Variants in KCND2 observed in about 807,000 individuals in gnomAD.
KCND2 encodes A-type voltage-gated potassium channel KCND2.
In KCND2, 16 loss-of-function variants were observed where a neutral mutation model predicts 54.4. The ratio of observed to expected loss-of-function variants is 0.29; its 90% CI spans 0.20 to 0.45. KCND2 has a LOEUF of 0.45. KCND2 is among the 20% of genes least tolerant of loss of function. The probability of loss-of-function intolerance (pLI) is 1.00; values close to 1 mark genes in which losing one functional copy is unlikely to be tolerated. For missense variants in KCND2, 486 were observed against 824.2 expected (o/e 0.59, Z 5.02); for synonymous variants, 317 against 310.7 (o/e 1.02, Z -0.21).
At chr7:120,571,703 A>G (rs1295898834) in intron 1 of KCND2, among the ~76,000 whole-genome samples, 1 of 152,196 alleles carries the variant, frequency 6.6e-6, no homozygotes, top group Non-Finnish European at 1.5e-5. Context: ...ATCTTCCACA[A>G]TATACATTAC....
chr7:120,563,233 A>C (rs1329124191), intron 1 of KCND2, among the ~76,000 whole-genome samples: 1 of 152,200 alleles, frequency 6.6e-6, no homozygotes, highest in East Asian at 1.9e-4. Context: ...GAATATGCAC[A>C]TTGTAAGTTC....
chr7:120,396,678 T>C (rs1484465499), intron 1 of KCND2, among the ~76,000 whole-genome samples: 1 of 151,576 alleles, frequency 6.6e-6, no homozygotes, highest in Non-Finnish European at 1.5e-5. Flanking sequence ...TGTGTGTGTG[T>C]GCACATGTGA....
intron 1 of KCND2, among the ~76,000 whole-genome samples, chr7:120,409,351 C>G (rs1409400154): frequency 6.6e-6 from 1 of 151,940 alleles, no homozygotes; most frequent in East Asian, 1.9e-4. Flanking sequence ...ATGTTATATA[C>G]TATGGCTCTA....
At chr7:120,745,199 A>G (rs1420727587) in intron 4 of KCND2, among the ~76,000 whole-genome samples, 1 of 152,178 alleles carries the variant, frequency 6.6e-6, no homozygotes, top group Non-Finnish European at 1.5e-5. Flanking sequence ...TATTTTACTT[A>G]TGTAACGAAT....
At chr7:120,335,465 TTAC>T (rs1463291415) in intron 1 of KCND2, among the ~76,000 whole-genome samples, 1,200 of 109,180 alleles carry the variant, frequency 0.011, 18 homozygotes, top group African/African-American at 0.047. Context: ...ATTTACTTAC[TTAC>T]TTATTTATTT....
intron 1 of KCND2, among the ~76,000 whole-genome samples, chr7:120,455,813 G>A (rs1005392083): frequency 3.9e-5 from 6 of 151,982 alleles, no homozygotes; most frequent in African/African-American, 9.7e-5. Flanking sequence ...TGTACTTCAG[G>A]GTTAAGGGTG....
chr7:120,395,268 C>T (rs1298050582), intron 1 of KCND2, among the ~76,000 whole-genome samples: 1 of 151,972 alleles, frequency 6.6e-6, no homozygotes, highest in Non-Finnish European at 1.5e-5. Context: ...GGGCAGCTTT[C>T]CATAGCTATT....
Position 120,274,881 on chromosome 7 carries a change from T to C in KCND2, c.249T>C (p.Tyr83=), listed in dbSNP as rs757892556. 1.5e-5 allele frequency: 24 copies of C among 1,614,018 alleles called. No homozygotes were observed. Among genetic ancestry groups the C allele is most frequent in the Non-Finnish European group, 2.0e-5 (24 of 1,180,038 alleles). The change falls in exon 1 of 6, where the codon TAT becomes TAC. Residue 83 remains tyrosine, a synonymous_variant. Coordinates refer to ENST00000331113, the MANE Select transcript of KCND2 (RefSeq NM_012281.3). The part of the protein sequence containing the change: ...DFFYHPETQQ[Y]FFDRDPDIFR... ...TCTACCACCCAGAAACTCAGCAGTA[T>C]TTCTTTGACCGTGACCCAGACATCT...
chr7:120,569,085 G>C (rs1191690155), intron 1 of KCND2, among the ~76,000 whole-genome samples: 1 of 152,020 alleles, frequency 6.6e-6, no homozygotes, highest in Non-Finnish European at 1.5e-5. Flanking sequence ...ATTTCAAACT[G>C]ATCTAGGAGG....
At chr7:120,454,490 A>G (rs1447682035) in intron 1 of KCND2, among the ~76,000 whole-genome samples, 2 of 152,190 alleles carry the variant, frequency 1.3e-5, no homozygotes, top group African/African-American at 2.4e-5. Context: ...GCAACCTCTC[A>G]AGATTCAACC....
intron 1 of KCND2, among the ~76,000 whole-genome samples, chr7:120,698,177 G>A (rs574500363): frequency 2.4e-4 from 36 of 152,086 alleles, no homozygotes; most frequent in Admixed American, 1.8e-3. Flanking sequence ...ACCATGCCCA[G>A]ATAACTGTTG....
At chr7:120,358,940 T>C (rs1800549495) in intron 1 of KCND2, among the ~76,000 whole-genome samples, 1 of 152,194 alleles carries the variant, frequency 6.6e-6, no homozygotes, top group Non-Finnish European at 1.5e-5. Context: ...ATGCATACAT[T>C]GTAAACTTAA....
At position 120,703,909 on chromosome 7, in the gene KCND2, T is replaced by A. The variant is rs139999748; in HGVS notation, c.1116-28994T>A. 4.6e-5 allele frequency among the ~76,000 whole-genome samples: 7 copies of A among 152,298 alleles called. No individual in the cohort carries two copies. In the East Asian group the frequency reaches 1.4e-3, roughly 29 times the overall value. On this transcript the variant is annotated intron_variant, in intron 1 of 5. Coordinates refer to ENST00000331113, the MANE Select transcript of KCND2 (RefSeq NM_012281.3). ...TATGAACCTCACTCACTTGGACATC[T>A]CATGACACATTTGACAAAATGCTCT...
intron 1 of KCND2, among the ~76,000 whole-genome samples, chr7:120,325,589 A>G (rs1799962402): frequency 6.6e-6 from 1 of 151,618 alleles, no homozygotes; most frequent in Non-Finnish European, 1.5e-5. Flanking sequence ...CTCTGTTTAT[A>G]TGCTGGATTA....
At chr7:120,647,292 A>C (rs1429764010) in intron 1 of KCND2, among the ~76,000 whole-genome samples, 1 of 152,202 alleles carries the variant, frequency 6.6e-6, no homozygotes, top group Non-Finnish European at 1.5e-5. Flanking sequence ...GGCAGCCCTG[A>C]CTGCCCTTGA....
At chr7:120,671,677 A>T (rs928832991) in intron 1 of KCND2, among the ~76,000 whole-genome samples, 1 of 152,052 alleles carries the variant, frequency 6.6e-6, no homozygotes, top group African/African-American at 2.4e-5. Flanking sequence ...ACAGCATTTT[A>T]ACATCCACAT....
At position 120,694,670 on chromosome 7, in the gene KCND2, A is replaced by G. The variant is rs114098068; in HGVS notation, c.1116-38233A>G. Among the ~76,000 whole-genome samples the G allele has an allele frequency of 5.6e-3, 857 of 152,282 alleles. 5 individuals are homozygous for G. Among genetic ancestry groups the G allele is most frequent in the African/African-American group, 0.019 (790 of 41,548 alleles). On this transcript the variant is annotated intron_variant, in intron 1 of 5. Transcript: ENST00000331113. ...TTTCATGTTGACATTATTACCCCCA[A>G]TGATGCCTACCACACTCTGAGGTGT...
chr7:120,673,931 G>A (rs1792026214), intron 1 of KCND2, among the ~76,000 whole-genome samples: 2 of 147,330 alleles, frequency 1.4e-5, no homozygotes, highest in Non-Finnish European at 3.0e-5. Flanking sequence ...TTCTACAGGA[G>A]CCTCACTCTG....
At chr7:120,618,830 A>T (rs958622828) in intron 1 of KCND2, among the ~76,000 whole-genome samples, 1 of 152,040 alleles carries the variant, frequency 6.6e-6, no homozygotes, top group African/African-American at 2.4e-5. Context: ...AGATTTTTAA[A>T]TTTTTTTCAA....
Sources: gnomAD v4.1 joint callset for allele counts (sites outside exome capture counted in the v4.1 genomes callset) on GRCh38, gnomAD v4.1.1 for gene constraint, MANE v1.5 for transcripts, NCBI Gene and HGNC (gene_info 2026-07-23, HGNC 2026-07-21) for gene names.